Variants in SUCO observed in about 807,000 individuals in gnomAD.
SUCO encodes the protein SUN domain containing ossification factor.
SUCO carries 57 observed loss-of-function variants against 148.1 expected under a neutral mutation model. The ratio of observed to expected loss-of-function variants is 0.38; its 90% confidence interval spans 0.31 to 0.48. The LOEUF is 0.48. Among genes scored for constraint, SUCO ranks in the 20% least tolerant of loss-of-function variants. The pLI is 0.96. For synonymous variants in SUCO, 470 were observed against 502.7 expected (o/e 0.93, Z 0.87); for missense variants, 1,331 against 1,468.2 (o/e 0.91, Z 1.53).
At chr1:172,576,590 C>T (rs1429828823) in intron 11 of SUCO, among the ~76,000 whole-genome samples, 1 of 151,582 alleles carries the variant, frequency 6.6e-6, no homozygotes, top group Admixed American at 6.6e-5. Flanking sequence ...ATTTTTTATA[C>T]AGTACACTTT....
At chr1:172,597,719 T>G (rs1657228409) in intron 19 of SUCO, among the ~76,000 whole-genome samples, 1 of 152,122 alleles carries the variant, frequency 6.6e-6, no homozygotes, top group African/African-American at 2.4e-5. Flanking sequence ...GCACCTCTAG[T>G]GTGATATGTG....
At chr1:172,565,640 C>T (rs1248446996) in intron 6 of SUCO, among the ~76,000 whole-genome samples, 1 of 152,238 alleles carries the variant, frequency 6.6e-6, no homozygotes, top group Non-Finnish European at 1.5e-5. Flanking sequence ...CAGAATGTGA[C>T]TGTGGTGTCC....
intron 19 of SUCO, among the ~76,000 whole-genome samples, chr1:172,596,730 G>A (rs971564073): frequency 1.3e-5 from 2 of 152,192 alleles, no homozygotes; most frequent in Non-Finnish European, 2.9e-5. Flanking sequence ...GGCTACACGG[G>A]GGTCAGGGAC....
chr1:172,609,686 T>C, intron 23 of SUCO, 130 bp from the exon 24 acceptor site: 2 of 1,459,438 alleles, frequency 1.4e-6, no homozygotes, highest in Non-Finnish European at 1.8e-6. Flanking sequence ...GTATGTGTTC[T>C]GTGCTGTTTA....
At chr1:172,608,719 A>G (rs201715614) in intron 22 of SUCO, 28 bp from the exon 23 acceptor site, 32 of 1,392,680 alleles carry the variant, frequency 2.3e-5, no homozygotes, top group Middle Eastern at 1.8e-4. Flanking sequence ...TACATTTTAC[A>G]TCTGCTTTTT....
intron 1 of SUCO, among the ~76,000 whole-genome samples, chr1:172,537,473 A>T (rs973949582): frequency 6.6e-6 from 1 of 151,926 alleles, no homozygotes; most frequent in Non-Finnish European, 1.5e-5. Context: ...CTTTGCAGTA[A>T]TTTTTTTAAA....
At chr1:172,557,525 T>A (rs1653838794) in intron 5 of SUCO, 108 bp downstream of exon 5, 2 of 1,500,660 alleles carry the variant, frequency 1.3e-6, no homozygotes, top group Admixed American at 4.0e-5. Flanking sequence ...GAGAGAAAGC[T>A]GATCTCTTTG....
rs963119044 is a variant in SUCO, at chr1:172,597,362, G to A, written c.2914-2702G>A. On this transcript the variant is annotated intron_variant, in intron 19 of 23. Transcript: ENST00000263688. ...GCAGAAATCACCCGTCTTCTGCGTC[G>A]CTGATGCTGGGGGCTGTAGACTGGA... 1.1e-4 allele frequency among the ~76,000 whole-genome samples: 16 copies of A among 152,302 alleles called. No individual in the cohort carries two copies. The South Asian group carries it at 1.2e-3, about 12-fold the overall frequency.
At position 172,533,509 on chromosome 1, in the gene SUCO, C is replaced by T; in HGVS notation, c.62+12C>T. On this transcript the variant is annotated intron_variant, in intron 1 of 23. Transcript: ENST00000263688. The stretch of plus-strand genomic sequence containing the variant: ...TGCTCTCTGGTCTGGTGAGTAGCCG[C>T]GACGACAAGGGAGTTCCCGTGAGGG... 6.5e-6 allele frequency: 10 copies of T among 1,538,490 alleles called. No homozygotes were observed. Among genetic ancestry groups the T allele is most frequent in the Non-Finnish European group, 8.8e-6 (10 of 1,137,446 alleles).
chr1:172,571,212 C>G (rs1375952264), intron 9 of SUCO, among the ~76,000 whole-genome samples: 1 of 152,366 alleles, frequency 6.6e-6, no homozygotes, highest in East Asian at 1.9e-4. Context: ...GCGCGCGCCA[C>G]CACGCCTGAC....
chr1:172,609,901 A>G lies in SUCO; in HGVS notation c.3407A>G (p.Lys1136Arg), dbSNP rs1315017486. 9.3e-6 allele frequency: 15 copies of G among 1,613,776 alleles called. No individual in the cohort carries two copies. Among genetic ancestry groups the G allele is most frequent in the African/African-American group, 1.3e-5 (1 of 74,910 alleles). The change falls in exon 24 of 24, where the codon AAA (lysine) becomes AGA (arginine). Residue 1136 changes from lysine to arginine, a missense_variant. Physicochemically the swap from Lys to Arg is conservative, Grantham distance 26 (BLOSUM62 2). Around this residue, in one of 3 missense-constraint regions of SUCO, gnomAD observed 334 missense variants for 352.3 expected, o/e 0.95. Transcript: ENST00000263688. ...CACCCCATAGCCAATGGCGACATAAAAGGAAGAAAGCCCTTTACGAACCAG... is the reference window on the plus strand; with the variant it reads ...CACCCCATAGCCAATGGCGACATAAGAGGAAGAAAGCCCTTTACGAACCAG... ...PLHPIANGDI[K>R]GRKPFTNQRD...
At chr1:172,575,986 G>A (rs970427028) in intron 11 of SUCO, among the ~76,000 whole-genome samples, 84 of 151,930 alleles carry the variant, frequency 5.5e-4, no homozygotes, top group African/African-American at 2.0e-3. Context: ...GTAATTTCTT[G>A]TTAGACTCTG....
At chr1:172,567,571 C>A (rs886442701) in intron 6 of SUCO, among the ~76,000 whole-genome samples, 1 of 151,928 alleles carries the variant, frequency 6.6e-6, no homozygotes, top group Admixed American at 6.6e-5. Flanking sequence ...GAGATTTGTT[C>A]ATTGTTTCCA....
At chr1:172,537,350 A>G (rs1652102011) in intron 1 of SUCO, among the ~76,000 whole-genome samples, 1 of 152,204 alleles carries the variant, frequency 6.6e-6, no homozygotes, top group South Asian at 2.1e-4. Context: ...AGTGAGAGCT[A>G]TGTGATTGAC....
chr1:172,588,626 A>T, intron 17 of SUCO, 134 bp from the exon 18 acceptor site: 2 of 1,273,802 alleles, frequency 1.6e-6, no homozygotes, highest in Non-Finnish European at 2.0e-6. Context: ...TAGGTGAAAC[A>T]TTTATCCAAA....
In SUCO at chr1:172,533,371, G is replaced by A; in HGVS notation, c.-65G>A. The A allele has an allele frequency of 6.4e-7, 1 of 1,552,022 alleles. No homozygotes were observed. Among genetic ancestry groups the A allele is most frequent in the Non-Finnish European group, 8.7e-7 (1 of 1,147,158 alleles). ...CTCCTGCTCCGGCTCCTCCATCTTGGCCTCGGCAGTGGCGGCTGCCGGGAG... is the reference window on the plus strand; with the variant it reads ...CTCCTGCTCCGGCTCCTCCATCTTGACCTCGGCAGTGGCGGCTGCCGGGAG... On this transcript the variant is annotated 5_prime_UTR_variant, in exon 1 of 24. Coordinates refer to ENST00000263688, the MANE Select transcript of SUCO (RefSeq NM_014283.5).
intron 20 of SUCO, 56 bp from the exon 21 acceptor site, chr1:172,602,008 A>G (rs1657561054): frequency 1.3e-6 from 2 of 1,506,854 alleles, no homozygotes; most frequent in South Asian, 1.3e-5. Flanking sequence ...AGATACCCTT[A>G]TATTTTTCCT....
At chr1:172,602,897 A>C in intron 22 of SUCO, 110 bp downstream of exon 22, 1 of 900,638 alleles carries the variant, frequency 1.1e-6, no homozygotes, top group South Asian at 1.5e-5. Context: ...AAATGGATAC[A>C]AGTAGCCTTT....
chr1:172,563,816 C>T (rs1654356304), intron 6 of SUCO, among the ~76,000 whole-genome samples: 1 of 152,218 alleles, frequency 6.6e-6, no homozygotes, highest in Non-Finnish European at 1.5e-5. Flanking sequence ...ATTTCAGGCA[C>T]CTTCATGGCA....
Sources: allele counts gnomAD v4.1 joint callset (sites outside exome capture counted in the v4.1 genomes callset), GRCh38; gene constraint gnomAD v4.1.1; regional missense constraint gnomAD v4.1.1; transcripts MANE v1.5; gene names NCBI Gene and HGNC (gene_info 2026-07-23, HGNC 2026-07-21).